Variants in C22orf39 observed in about 807,000 individuals in gnomAD.
C22orf39 encodes synaptic plasticity regulator PANTS.
C22orf39 carries 20 observed loss-of-function variants against 18.3 expected under a neutral mutation model. The observed-to-expected ratio is 1.09, with a 90% CI of 0.77 to 1.59. C22orf39 has a LOEUF of 1.59. Among genes scored for constraint, C22orf39 ranks in the 40% most tolerant of loss-of-function variants. The pLI is 0.00. For synonymous variants in C22orf39, 63 were observed against 59.6 expected, an observed-to-expected ratio of 1.06 and a Z score of -0.26; for missense variants, 195 against 156.1, an observed-to-expected ratio of 1.25 and a Z score of -1.33.
chr22:19,441,749 A>T lies in C22orf39; in HGVS notation c.*2516T>A. On this transcript the variant is annotated 3_prime_UTR_variant, in exon 3 of 3. Transcript: ENST00000399562. ...TTATTACAGTATTTGTTTTCTTCAT[A>T]CCACCACCATAAAATACCAAACTGC... 1 of 1,516,870 alleles carries T rather than the reference A, an allele frequency of 6.6e-7. No homozygotes were observed. Among genetic ancestry groups the T allele is most frequent in the South Asian group, 1.3e-5 (1 of 78,694 alleles). The allele number at this position is 1,516,870 out of a possible 1,614,324, so 94.0% of individuals were successfully genotyped here.
Position 19,443,420 on chromosome 22 carries a change from C to A in C22orf39, c.*845G>T. ...AACACTTAACAAGAGAATAAGCATA[C>A]AAATTTCTAATACTGTCCAGGTACA... On this transcript the variant is annotated 3_prime_UTR_variant, in exon 3 of 3. Coordinates refer to ENST00000399562, the MANE Select transcript of C22orf39 (RefSeq NM_173793.5). 2 of 985,810 alleles carry A rather than the reference C, an allele frequency of 2.0e-6. No homozygotes were observed. Among genetic ancestry groups the A allele is most frequent in the African/African-American group, 3.5e-5 (2 of 57,338 alleles). The allele number at this position is 985,810 out of a possible 1,614,324, so 61.1% of individuals were successfully genotyped here.
intron 2 of C22orf39, 103 bp downstream of exon 2, chr22:19,447,275 C>T: frequency 8.2e-7 from 1 of 1,216,764 alleles, no homozygotes; most frequent in Non-Finnish European, 1.1e-6. Context: ...ATAGGGACCC[C>T]GTCAGTCCCC....
Position 19,443,199 on chromosome 22 carries a change from TC to T in C22orf39, c.*1065del, listed in dbSNP as rs2089622852. 1.0e-6 allele frequency: 1 copy of T among 985,370 alleles called. No homozygotes were observed. The allele number at this position is 985,370 out of a possible 1,614,324, so 61.0% of individuals were successfully genotyped here. A position where few individuals can be genotyped will look rare whatever the true frequency, so the allele number is the denominator to read the frequency against. ...ACACCCTTCTAACGTGATAGATTAT[TC>T]TGCCCCAAAGAACAAATTAAAAGAT... is the stretch of plus-strand genomic sequence containing the variant. On this transcript the variant is annotated 3_prime_UTR_variant, in exon 3 of 3. Transcript: ENST00000399562.
In C22orf39 at chr22:19,442,054, G is replaced by T; in HGVS notation, c.*2211C>A. ...AATCCTCCCACCTCAGCCTCCCAAAGTGCTGGGATAACAGCCGTGAGCCAC... is the reference window on the plus strand; with the variant it reads ...AATCCTCCCACCTCAGCCTCCCAAATTGCTGGGATAACAGCCGTGAGCCAC... On this transcript the variant is annotated 3_prime_UTR_variant, in exon 3 of 3. Transcript: ENST00000399562. The T allele has an allele frequency of 5.6e-6, 1 of 178,866 alleles. No homozygotes were observed. The allele number at this position is 178,866 out of a possible 1,614,324, so 11.1% of individuals were successfully genotyped here.
chr22:19,447,580 C>A lies in C22orf39; in HGVS notation c.25-35G>T, dbSNP rs776535800. On this transcript the variant is annotated intron_variant, in intron 1 of 2. Coordinates refer to ENST00000399562, the MANE Select transcript of C22orf39 (RefSeq NM_173793.5). ...GAGGCGGCGCCTGAGCGGGGCCCGG[C>A]GGCCGCGCCCTACGCCCCGAGCCAG... The A allele has an allele frequency of 1.4e-4, 200 of 1,408,162 alleles. 5 individuals carry two copies. In the South Asian group the frequency reaches 3.0e-3, roughly 21 times the overall value. 87.2% of individuals were successfully genotyped at this position (1,408,162 alleles called of 1,614,324 possible).
intron 2 of C22orf39, among the ~76,000 whole-genome samples, chr22:19,446,913 C>T (rs1369618366): frequency 6.6e-6 from 1 of 152,194 alleles, no homozygotes; most frequent in African/African-American, 2.4e-5. Flanking sequence ...TGCCTCCCAG[C>T]ACACTTTAGA....
At position 19,443,258 on chromosome 22, in the gene C22orf39, C is replaced by G. The variant is rs1263809395; in HGVS notation, c.*1007G>C. On this transcript the variant is annotated 3_prime_UTR_variant, in exon 3 of 3. Transcript: ENST00000399562. ...TTGCTGCCTGTGTCCAGGAAGAGAG[C>G]AGGGAGGGTGCTGGGCACAGACCCA... 2.6e-5 allele frequency: 26 copies of G among 985,486 alleles called. No individual in the cohort carries two copies. Among genetic ancestry groups the G allele is most frequent in the Non-Finnish European group, 3.1e-5 (26 of 829,962 alleles). The allele number at this position is 985,486 out of a possible 1,614,324, so 61.0% of individuals were successfully genotyped here.
In C22orf39 at chr22:19,442,281, A is replaced by G. The variant is rs1311572856; in HGVS notation, c.*1984T>C. On this transcript the variant is annotated 3_prime_UTR_variant, in exon 3 of 3. Transcript: ENST00000399562. ...ACAAATGCAGGAACATCCTGTCCAG[A>G]GAGATTATCTGTTGATGTGGAACTT... 6.6e-6 allele frequency: 1 copy of G among 152,656 alleles called. No individual in the cohort carries two copies. Among genetic ancestry groups the G allele is most frequent in the Non-Finnish European group, 1.5e-5 (1 of 68,338 alleles). 9.5% of individuals were successfully genotyped at this position (152,656 alleles called of 1,614,324 possible). A position where few individuals can be genotyped will look rare whatever the true frequency, so the allele number is the denominator to read the frequency against.
intron 2 of C22orf39, among the ~76,000 whole-genome samples, chr22:19,447,020 T>C (rs1200157641): frequency 1.3e-5 from 2 of 152,128 alleles, no homozygotes; most frequent in Non-Finnish European, 2.9e-5. Context: ...CCAGGCCTTA[T>C]CTGTTTCTCA....
chr22:19,443,580 G>A lies in C22orf39; in HGVS notation c.*685C>T. 2.0e-6 allele frequency: 2 copies of A among 985,406 alleles called. No homozygotes were observed. Among genetic ancestry groups the A allele is most frequent in the Non-Finnish European group, 2.4e-6 (2 of 829,838 alleles). 61.0% of individuals were successfully genotyped at this position (985,406 alleles called of 1,614,324 possible). On this transcript the variant is annotated 3_prime_UTR_variant, in exon 3 of 3. Transcript: ENST00000399562. ...AGGAGTGCTTAATTCCATATGTCTT[G>A]GACTTGGATTTCTTCAGCTGAGTCC... is the stretch of plus-strand genomic sequence containing the variant.
Position 19,442,484 on chromosome 22 carries a change from C to T in C22orf39, c.*1781G>A, listed in dbSNP as rs1426051562. 1 of 152,322 alleles carries T rather than the reference C, an allele frequency of 6.6e-6. No homozygotes were observed. The highest frequency in any genetic ancestry group is 1.5e-5 in the Non-Finnish European group (1 of 68,114). The allele number at this position is 152,322 out of a possible 1,614,324, so 9.4% of individuals were successfully genotyped here. A position where few individuals can be genotyped will look rare whatever the true frequency, so the allele number is the denominator to read the frequency against. On this transcript the variant is annotated 3_prime_UTR_variant, in exon 3 of 3. Coordinates refer to ENST00000399562, the MANE Select transcript of C22orf39 (RefSeq NM_173793.5). ...TGGGGTGCTGGCTGGCATGCCCTGG[C>T]TTTTGCTGCACTCTCCAGCTCTGCC...
Position 19,443,860 on chromosome 22 carries a change from A to C in C22orf39, c.*405T>G. On this transcript the variant is annotated 3_prime_UTR_variant, in exon 3 of 3. Coordinates refer to ENST00000399562, the MANE Select transcript of C22orf39 (RefSeq NM_173793.5). ...TTCCCAAGGACTAGGAAAGACATTC[A>C]CAGTGGCACAACTGTTTAGCTACCT... The C allele has an allele frequency of 1.0e-6, 1 of 990,284 alleles. No individual in the cohort carries two copies. The highest frequency in any genetic ancestry group is 1.2e-6 in the Non-Finnish European group (1 of 833,702). The allele number at this position is 990,284 out of a possible 1,614,324, so 61.3% of individuals were successfully genotyped here.
chr22:19,443,724 A>G lies in C22orf39; in HGVS notation c.*541T>C, dbSNP rs2089625479. 3 of 985,080 alleles carry G rather than the reference A, an allele frequency of 3.0e-6. No individual in the cohort carries two copies. Among genetic ancestry groups the G allele is most frequent in the Non-Finnish European group, 3.6e-6 (3 of 829,912 alleles). The allele number at this position is 985,080 out of a possible 1,614,324, so 61.0% of individuals were successfully genotyped here. A position where few individuals can be genotyped will look rare whatever the true frequency, so the allele number is the denominator to read the frequency against. On this transcript the variant is annotated 3_prime_UTR_variant, in exon 3 of 3. Coordinates refer to ENST00000399562, the MANE Select transcript of C22orf39 (RefSeq NM_173793.5). Reference sequence around the variant, plus strand: ...TGAAGCCTGCTGGTGCAGAGGGGCCAGCAAGCCCTACCTGCTCGGCACACC... The same window carrying G: ...TGAAGCCTGCTGGTGCAGAGGGGCCGGCAAGCCCTACCTGCTCGGCACACC...
rs892049934 is a variant in C22orf39, at chr22:19,441,329, G to A, written c.*2936C>T. 7 of 284,104 alleles carry A rather than the reference G, an allele frequency of 2.5e-5. No homozygotes were observed. The highest frequency in any genetic ancestry group is 4.4e-5 in the African/African-American group (2 of 45,734). The allele number at this position is 284,104 out of a possible 1,614,324, so 17.6% of individuals were successfully genotyped here. On this transcript the variant is annotated 3_prime_UTR_variant, in exon 3 of 3. Transcript: ENST00000399562. ...TATGTTTTCAAGATTGGCTGTTTTT[G>A]CTCTGAAGAATTTCCTTGAGTTTCA...
At chr22:19,447,325 A>T in intron 2 of C22orf39, 53 bp downstream of exon 2, 1 of 1,391,420 alleles carries the variant, frequency 7.2e-7, no homozygotes. Flanking sequence ...GGGTGGGGAA[A>T]GCTGGGCCCC....
chr22:19,444,476 C>G, intron 2 of C22orf39, 86 bp from the exon 3 acceptor site: 1 of 1,420,916 alleles, frequency 7.0e-7, no homozygotes, highest in Non-Finnish European at 9.5e-7. Context: ...CCCTCTGAAA[C>G]ACAGATGGAC....
chr22:19,447,706 G>A lies in C22orf39; in HGVS notation c.-18C>T, dbSNP rs758568292. The A allele has an allele frequency of 8.7e-6, 14 of 1,603,758 alleles. No homozygotes were observed. The African/African-American group carries it at 1.2e-4, about 14-fold the overall frequency. The stretch of plus-strand genomic sequence containing the variant: ...TCCGCCATGTCTGGGCGACCGGCGC[G>A]CCAAGCCCGCCCCTCAGTCCGCCAG... On this transcript the variant is annotated 5_prime_UTR_variant, in exon 1 of 3. Coordinates refer to ENST00000399562, the MANE Select transcript of C22orf39 (RefSeq NM_173793.5).
rs1223568316 is a variant in C22orf39 at position 19,442,313 on chromosome 22, T to C, written c.*1952A>G. 4 of 152,384 alleles carry C rather than the reference T, an allele frequency of 2.6e-5. No homozygotes were observed. Among genetic ancestry groups the C allele is most frequent in the Non-Finnish European group, 5.9e-5 (4 of 68,266 alleles). 9.4% of individuals were successfully genotyped at this position (152,384 alleles called of 1,614,324 possible). On this transcript the variant is annotated 3_prime_UTR_variant, in exon 3 of 3. Transcript: ENST00000399562. ...ATCTGTTGATGTGGAACTTGAGTAG[T>C]GAAGGAGGAGGCAAAACATGATAGT...
Position 19,443,177 on chromosome 22 carries a change from C to A in C22orf39, c.*1088G>T, listed in dbSNP as rs959152265. On this transcript the variant is annotated 3_prime_UTR_variant, in exon 3 of 3. Transcript: ENST00000399562. Reference sequence around the variant, plus strand: ...GGGAAATACTGTTCTTTAATGGACACCCTTCTAACGTGATAGATTATTCTG... The same window carrying A: ...GGGAAATACTGTTCTTTAATGGACAACCTTCTAACGTGATAGATTATTCTG... The A allele has an allele frequency of 1.8e-5, 18 of 983,594 alleles. No homozygotes were observed. The African/African-American group carries it at 2.7e-4, about 14-fold the overall frequency. 60.9% of individuals were successfully genotyped at this position (983,594 alleles called of 1,614,324 possible).
Sources: gnomAD v4.1 joint callset for allele counts (sites outside exome capture counted in the v4.1 genomes callset) on GRCh38, gnomAD v4.1.1 for gene constraint, MANE v1.5 for transcripts, NCBI Gene and HGNC (gene_info 2026-07-23, HGNC 2026-07-21) for gene names.